Variants in GABRE observed in about 807,000 individuals in gnomAD.
GABRE encodes the protein gamma-aminobutyric acid receptor subunit epsilon.
A neutral mutation model predicts 31.0 loss-of-function variants in GABRE; 20 were observed. The observed-to-expected ratio is 0.64, with a 90% CI of 0.45 to 0.94. The LOEUF is 0.94. Among genes scored for constraint, GABRE ranks in the 40% least tolerant of loss-of-function variants. The pLI, the probability that GABRE is intolerant of heterozygous loss-of-function variation, is 0.00. For missense variants in GABRE, 420 were observed against 410.7 expected (o/e 1.02, Z -0.20); for synonymous variants, 155 against 150.6 (o/e 1.03, Z -0.21).
chrX:151,955,113 A>T, intron 8 of GABRE, 29 bp from the exon 9 acceptor site: 1 of 1,193,523 alleles, frequency 8.4e-7, no homozygotes, highest in African/African-American at 1.8e-5. Flanking sequence ...GAAGTGGGGA[A>T]AAGTCAAGGG....
intron 6 of GABRE, chrX:151,959,173 C>T (rs764245771): frequency 1.7e-5 from 5 of 293,164 alleles, no homozygotes; most frequent in South Asian, 1.5e-4. Flanking sequence ...TGAAGGTGCT[C>T]ACATCTAATT....
intron 1 of GABRE, 62 bp downstream of exon 1, chrX:151,974,508 C>T (rs1204163295): frequency 6.0e-6 from 5 of 837,231 alleles, no homozygotes; most frequent in African/African-American, 2.1e-5. Flanking sequence ...GGGAGCCGTC[C>T]CGGCTCCCGG....
intron 6 of GABRE, 97 bp from the exon 7 acceptor site, chrX:151,955,957 G>A (rs1185735449): frequency 2.3e-6 from 2 of 855,741 alleles, no homozygotes; most frequent in African/African-American, 2.0e-5. Context: ...TCAGCTCACA[G>A]TATTCCCTAG....
At chrX:151,962,235 A>G (rs1183824553) in intron 4 of GABRE, among the ~76,000 whole-genome samples, 188 bp downstream of exon 4, 1 of 111,921 alleles carries the variant, frequency 8.9e-6, no homozygotes, top group African/African-American at 3.3e-5. Flanking sequence ...TGTGGCTTTA[A>G]GCAATATCTT....
At chrX:151,971,783 T>A (rs1474748531) in intron 1 of GABRE, 1 of 111,695 alleles carries the variant, frequency 9.0e-6, no homozygotes, top group Non-Finnish European at 1.8e-5. Flanking sequence ...GGAGAGTGGT[T>A]TCCTTTGGGG....
At chrX:151,973,734 C>A (rs1356282466) in intron 1 of GABRE, among the ~76,000 whole-genome samples, 1 of 111,857 alleles carries the variant, frequency 8.9e-6, no homozygotes, top group East Asian at 2.8e-4. Context: ...CCCTCCTAGC[C>A]AAGTCTCAGG....
intron 6 of GABRE, chrX:151,958,535 G>T (rs1312855852): frequency 2.7e-6 from 1 of 366,285 alleles, no homozygotes; most frequent in Non-Finnish European, 5.5e-6. Flanking sequence ...AGGAGGTCTG[G>T]TGCTTACCTA....
chrX:151,961,461 T>A, intron 4 of GABRE, 96 bp from the exon 5 acceptor site: 1 of 551,209 alleles, frequency 1.8e-6, no homozygotes, highest in South Asian at 2.9e-5. Flanking sequence ...ATGGCCAGAG[T>A]CAATTTTTTT....
intron 1 of GABRE, chrX:151,972,783 A>G: frequency 2.6e-6 from 1 of 386,581 alleles, no homozygotes; most frequent in Non-Finnish European, 3.3e-6. Context: ...GGGGTTAAAG[A>G]GCTGCTGACA....
In GABRE at chrX:151,962,545, C is replaced by A; in HGVS notation, c.441G>T (p.Val147=). The part of the protein sequence containing the change: ...FESLVLNGNV[V]SQLWIPDTFF... ...AGGTGTCCGGGATCCATAGCTGGCT[C>A]ACCACATTGCCATTCAGAACAAGAG... The change falls in exon 4 of 9, where the codon GTG becomes GTT. Residue 147 remains valine (V), a synonymous_variant. Transcript: ENST00000370328. 2 of 1,211,016 alleles carry A rather than the reference C, an allele frequency of 1.7e-6. No homozygotes were observed. The highest frequency in any genetic ancestry group is 2.2e-6 in the Non-Finnish European group (2 of 894,970).
chrX:151,958,006 G>A (rs773189147), intron 6 of GABRE: 7 of 119,056 alleles, frequency 5.9e-5, no homozygotes, highest in Non-Finnish European at 1.7e-5. Flanking sequence ...GTTTAATCTC[G>A]GTCCTGTGAA....
At chrX:151,964,820 G>A (rs192642373) in intron 3 of GABRE, among the ~76,000 whole-genome samples, 4 of 111,363 alleles carry the variant, frequency 3.6e-5, no homozygotes, top group Admixed American at 2.9e-4. Flanking sequence ...ATGTAGTCCC[G>A]GCACTTTGGG....
intron 1 of GABRE, among the ~76,000 whole-genome samples, chrX:151,974,065 A>C (rs1036858844): frequency 2.7e-5 from 3 of 111,077 alleles, no homozygotes. Context: ...GGAACTCAGT[A>C]GGCACTCTTA....
chrX:151,972,584 T>C (rs1320142286), intron 1 of GABRE: 5 of 751,565 alleles, frequency 6.7e-6, no homozygotes, highest in South Asian at 6.9e-5. Context: ...AGTTTAAAAG[T>C]GCAGAGGCAA....
At chrX:151,965,417 G>A (rs1402699853) in intron 3 of GABRE, among the ~76,000 whole-genome samples, 4 of 111,134 alleles carry the variant, frequency 3.6e-5, no homozygotes, top group East Asian at 2.9e-4. Context: ...TGCACCACTG[G>A]TGGTGAAGGG....
Position 151,954,890 on chromosome X carries a change from C to T in GABRE, c.1332G>A (p.Leu444=), listed in dbSNP as rs776523398. 4.1e-6 allele frequency: 5 copies of T among 1,209,479 alleles called. No homozygotes were observed. The Admixed American group carries it at 1.1e-4, about 26-fold the overall frequency. Residue 444 remains leucine (L), a synonymous_variant, in exon 9 of 9, where the codon CTG becomes CTA. Coordinates refer to ENST00000370328, the MANE Select transcript of GABRE (RefSeq NM_004961.4). ...PEGPRSLCSK[L]ACCEWCKRFK... ...AACGCTTGCACCACTCACAGCAGGC[C>T]AGCTTGGAGCAGAGGCTGCGGGGAC...
chrX:151,958,254 GA>G, intron 6 of GABRE: 1 of 182,835 alleles, frequency 5.5e-6, no homozygotes, highest in South Asian at 8.4e-5. Context: ...GGCAGGGCTG[GA>G]CTCTCTTAGA....
chrX:151,974,572 C>G lies in GABRE; in HGVS notation c.54G>C (p.Ser18=), dbSNP rs267606381. Residue 18 remains serine (S), a splice_region_variant and synonymous_variant, in exon 1 of 9, where the codon TCG becomes TCC. Transcript: ENST00000370328. ...CGGGTCCCGGGATGGAGACTCACCTCGACTGGAGGATCAATAAGATGCCTA... is the reference window on the plus strand; with the variant it reads ...CGGGTCCCGGGATGGAGACTCACCTGGACTGGAGGATCAATAAGATGCCTA... ...VLLGILLILQ[S]RVEGPQTESK... is the part of the protein sequence containing the mutation. 8.5e-7 allele frequency: 1 copy of G among 1,170,207 alleles called. No individual in the cohort carries two copies. Among genetic ancestry groups the G allele is most frequent in the African/African-American group, 1.8e-5 (1 of 55,154 alleles).
Position 151,955,883 on chromosome X carries a change from C to T in GABRE, c.785-23G>A, listed in dbSNP as rs759596363. ...CACCTGAAAGACACAAAAAACATCA[C>T]TGCATTACAGTGCTGACACGACGGT... On this transcript the variant is annotated intron_variant, in intron 6 of 8. Coordinates refer to ENST00000370328, the MANE Select transcript of GABRE (RefSeq NM_004961.4). 1.6e-5 allele frequency: 19 copies of T among 1,206,837 alleles called. No individual in the cohort carries two copies. In the South Asian group the frequency reaches 3.2e-4, roughly 20 times the overall value.
Sources: allele counts gnomAD v4.1 joint callset (sites outside exome capture counted in the v4.1 genomes callset), GRCh38; gene constraint gnomAD v4.1.1; transcripts MANE v1.5; gene names NCBI Gene and HGNC (gene_info 2026-07-23, HGNC 2026-07-21).